HDAC4: variants seen among roughly 807,000 people sequenced by gnomAD.
HDAC4 encodes the protein histone deacetylase A.
In HDAC4, 16 loss-of-function variants were observed where a neutral mutation model predicts 135.1. That is an observed-to-expected ratio of 0.12 (90% confidence interval 0.08 to 0.18). The LOEUF is 0.18. Ranked by LOEUF, HDAC4 falls within the 10% of genes least tolerant of loss-of-function variation. The pLI is 1.00. For missense variants in HDAC4, 1,143 were observed against 1,511.8 expected (o/e 0.76, Z 4.05); for synonymous variants, 685 against 653.4 (o/e 1.05, Z -0.74).
intron 2 of HDAC4, among the ~76,000 whole-genome samples, chr2:239,294,876 G>A (rs890817986): frequency 2.6e-5 from 4 of 152,218 alleles, no homozygotes; most frequent in Non-Finnish European, 5.9e-5. Flanking sequence ...GGCCACAGAA[G>A]CTAGGCCTCT....
chr2:239,060,397 C>G (rs12472108), intron 24 of HDAC4, among the ~76,000 whole-genome samples: 24,058 of 152,142 alleles, frequency 0.16, 2,513 homozygotes, highest in Admixed American at 0.34. Context: ...CTAATTCACC[C>G]CACTAAGAAC....
At chr2:239,156,906 T>A in intron 6 of HDAC4, 133 bp from the exon 7 acceptor site, 1 of 1,013,582 alleles carries the variant, frequency 9.9e-7, no homozygotes, top group Non-Finnish European at 1.5e-6. Flanking sequence ...ACCTTTTCCC[T>A]AGGGTCAAGC....
In HDAC4 at chr2:239,163,741, G is replaced by C. The variant is rs372433947; in HGVS notation, c.611+62C>G. 10 of 1,561,860 alleles carry C rather than the reference G, an allele frequency of 6.4e-6. No individual in the cohort carries two copies. In the Admixed American group the frequency reaches 1.7e-4, roughly 26 times the overall value. ...GCTGGCTCCATGCAAATCTACCGGC[G>C]ATCAGACAGTCCTCTGGGCCCCCAG... is the stretch of plus-strand genomic sequence containing the variant. On this transcript the variant is annotated intron_variant, in intron 6 of 26. Coordinates refer to ENST00000543185, the MANE Select transcript of HDAC4 (RefSeq NM_001378414.1).
intron 2 of HDAC4, among the ~76,000 whole-genome samples, chr2:239,332,201 A>G (rs71426569): frequency 7.2e-4 from 109 of 152,364 alleles, no homozygotes; most frequent in African/African-American, 2.6e-3. Context: ...AGAAAAGCAG[A>G]CAATAAAATA....
chr2:239,151,576 G>C (rs1324183997), intron 7 of HDAC4, among the ~76,000 whole-genome samples: 5 of 151,952 alleles, frequency 3.3e-5, no homozygotes. Flanking sequence ...AGTGCAGAGG[G>C]AGCCCAGGAC....
rs75104001 is a variant in HDAC4, at chr2:239,083,077, C to T, written c.2533-856G>A. On this transcript the variant is annotated intron_variant, in intron 20 of 26. Transcript: ENST00000543185. ...CCTTCCACCCCACAGAGTAGGTAATCGCTGTGAAGACGCACATGGAGGCTT... is the reference window on the plus strand; with the variant it reads ...CCTTCCACCCCACAGAGTAGGTAATTGCTGTGAAGACGCACATGGAGGCTT... Among the ~76,000 whole-genome samples, 435 of 152,370 alleles carry T rather than the reference C, an allele frequency of 2.9e-3. 2 individuals carry two copies. Among genetic ancestry groups the T allele is most frequent in the African/African-American group, 9.9e-3 (410 of 41,592 alleles).
intron 8 of HDAC4, among the ~76,000 whole-genome samples, chr2:239,142,683 G>A (rs372053279): frequency 2.4e-3 from 188 of 77,288 alleles, no homozygotes; most frequent in East Asian, 4.6e-3. Flanking sequence ...GGGTGAGCTC[G>A]GCACTGATCA....
At chr2:239,129,591 A>C (rs1041331960) in intron 11 of HDAC4, among the ~76,000 whole-genome samples, 1 of 152,104 alleles carries the variant, frequency 6.6e-6, no homozygotes, top group Non-Finnish European at 1.5e-5. Flanking sequence ...TGCCCAGTGC[A>C]AGGGCAACAG....
intron 2 of HDAC4, among the ~76,000 whole-genome samples, chr2:239,278,230 G>C (rs564905352): frequency 1.3e-5 from 2 of 151,870 alleles, no homozygotes; most frequent in Non-Finnish European, 2.9e-5. Context: ...CAAGCCAAGT[G>C]GGGGTGACTT....
rs895268633 is a variant in HDAC4 at position 239,203,008 on chromosome 2, G to T, written c.95-12931C>A. Among the ~76,000 whole-genome samples, 9 of 152,320 alleles carry T rather than the reference G, an allele frequency of 5.9e-5. No individual in the cohort carries two copies. In the South Asian group the frequency reaches 1.0e-3, roughly 18 times the overall value. The stretch of plus-strand genomic sequence containing the variant: ...TACGGGGTGCAGCACAGCCCAGGCA[G>T]CAAGCCCAGACTCCTGGGTGCTGGC... On this transcript the variant is annotated intron_variant, in intron 3 of 26. Coordinates refer to ENST00000543185, the MANE Select transcript of HDAC4 (RefSeq NM_001378414.1).
chr2:239,344,190 G>A (rs192850295), intron 2 of HDAC4, among the ~76,000 whole-genome samples: 10 of 152,246 alleles, frequency 6.6e-5, no homozygotes, highest in South Asian at 2.1e-4. Context: ...CCCCACTGCC[G>A]GGTGCCTCAA....
At chr2:239,157,461 C>G (rs145610700) in intron 6 of HDAC4, among the ~76,000 whole-genome samples, 29 of 152,324 alleles carry the variant, frequency 1.9e-4, no homozygotes, top group African/African-American at 7.0e-4. Context: ...ACCCTCCAGG[C>G]AGCAAGACAG....
intron 2 of HDAC4, among the ~76,000 whole-genome samples, chr2:239,346,987 ACC>A (rs200086129): frequency 6.7e-6 from 1 of 148,978 alleles, no homozygotes; most frequent in Admixed American, 6.9e-5. Flanking sequence ...TAACACACAC[ACC>A]CTGTCTAAAA....
chr2:239,150,202 G>C (rs1038797406), intron 7 of HDAC4, among the ~76,000 whole-genome samples: 1 of 151,898 alleles, frequency 6.6e-6, no homozygotes, highest in Non-Finnish European at 1.5e-5. Flanking sequence ...CAGAAACACA[G>C]GTACACACAC....
At chr2:239,178,995 C>G (rs542308694) in intron 4 of HDAC4, among the ~76,000 whole-genome samples, 1 of 131,514 alleles carries the variant, frequency 7.6e-6, no homozygotes, top group South Asian at 2.5e-4. Flanking sequence ...ACCAGACGCC[C>G]GAGGCATAGA....
At chr2:239,242,314 T>C (rs571451299) in intron 2 of HDAC4, among the ~76,000 whole-genome samples, 1 of 152,118 alleles carries the variant, frequency 6.6e-6, no homozygotes, top group South Asian at 2.1e-4. Flanking sequence ...AAGATAATCT[T>C]TACAGTACTG....
intron 1 of HDAC4, among the ~76,000 whole-genome samples, chr2:239,387,365 T>C (rs1695886055): frequency 6.6e-6 from 1 of 152,206 alleles, no homozygotes. Flanking sequence ...CGCCGCTGCG[T>C]GCCTGGCCAG....
chr2:239,267,355 C>T (rs144457273), intron 2 of HDAC4, among the ~76,000 whole-genome samples: 6 of 152,336 alleles, frequency 3.9e-5, no homozygotes, highest in East Asian at 1.9e-4. Context: ...CCGAGGAAGC[C>T]GATGGAGTCT....
In HDAC4 at chr2:239,302,059, T is replaced by C. The variant is rs573155739; in HGVS notation, c.22+50619A>G. On this transcript the variant is annotated intron_variant, in intron 2 of 26. Coordinates refer to ENST00000543185, the MANE Select transcript of HDAC4 (RefSeq NM_001378414.1). Reference sequence around the variant, plus strand: ...TGAGGTCAAGAATAATTCCTAGCCATGGAAAATAATCTCTAATGATGCTAT... The same window carrying C: ...TGAGGTCAAGAATAATTCCTAGCCACGGAAAATAATCTCTAATGATGCTAT... Among the ~76,000 whole-genome samples the C allele has an allele frequency of 2.0e-5, 3 of 152,154 alleles. No individual in the cohort carries two copies. In the South Asian group the frequency reaches 6.2e-4, roughly 32 times the overall value.
Sources: gnomAD v4.1 joint callset for allele counts (sites outside exome capture counted in the v4.1 genomes callset) on GRCh38, gnomAD v4.1.1 for gene constraint, MANE v1.5 for transcripts, NCBI Gene and HGNC (gene_info 2026-07-23, HGNC 2026-07-21) for gene names.